The following AMIGO1 variants were observed in gnomAD, a reference collection of about 807,000 sequenced individuals.
The protein encoded by AMIGO1 is adhesion molecule with Ig like domain 1.
For missense variants in AMIGO1, 361 were observed against 612.3 expected (o/e 0.59, Z 4.33); for synonymous variants, 249 against 266.3 (o/e 0.93, Z 0.63).
chr1:109,508,964 C>T lies in AMIGO1; in HGVS notation c.-52G>A, dbSNP rs183503227. ...CCACAAGGAAGATCTGGGAGGAGGTCACCCGGGCATGTTCTGGTGGGGTAC... is the reference window on the plus strand; with the variant it reads ...CCACAAGGAAGATCTGGGAGGAGGTTACCCGGGCATGTTCTGGTGGGGTAC... On this transcript the variant is annotated 5_prime_UTR_variant, in exon 2 of 2. It removes the in-frame stop codon of an upstream open reading frame in the 5' UTR. Coordinates refer to ENST00000369864, the MANE Select transcript of AMIGO1 (RefSeq NM_020703.4). This position sits in a 1 kb window ranked among gnomAD's most constrained non-coding sequence, Gnocchi z 7.8. 1.0e-4 allele frequency: 152 copies of T among 1,469,638 alleles called. No homozygotes were observed. The African/African-American group carries it at 1.9e-3, about 19-fold the overall frequency. The allele number at this position is 1,469,638 out of a possible 1,614,324, so 91.0% of individuals were successfully genotyped here. A position where few individuals can be genotyped will look rare whatever the true frequency, so the allele number is the denominator to read the frequency against.
Position 109,505,097 on chromosome 1 carries a change from C to G in AMIGO1, c.*2334G>C, listed in dbSNP as rs539695443. 1.1e-4 allele frequency: 17 copies of G among 152,342 alleles called. No homozygotes were observed. Among genetic ancestry groups the G allele is most frequent in the Admixed American group, 1.1e-3 (17 of 15,300 alleles). The allele number at this position is 152,342 out of a possible 1,614,324, so 9.4% of individuals were successfully genotyped here. A position where few individuals can be genotyped will look rare whatever the true frequency, so the allele number is the denominator to read the frequency against. On this transcript the variant is annotated 3_prime_UTR_variant, in exon 2 of 2. Coordinates refer to ENST00000369864, the MANE Select transcript of AMIGO1 (RefSeq NM_020703.4). Reference sequence around the variant, plus strand: ...TGAGGACAGTTAACAGGAAGAGCAGCTCACAGCTACTTAGCCCCTTGCCAG... The same window carrying G: ...TGAGGACAGTTAACAGGAAGAGCAGGTCACAGCTACTTAGCCCCTTGCCAG...
At chr1:109,509,087 AC>A in intron 1 of AMIGO1, 88 bp from the exon 2 acceptor site, 1 of 710,708 alleles carries the variant, frequency 1.4e-6, no homozygotes, top group South Asian at 2.0e-5. Flanking sequence ...CCTTACCTCC[AC>A]CCCCTTTGGG....
Position 109,507,275 on chromosome 1 carries a change from T to TTTGGG in AMIGO1, c.*151_*155dup, listed in dbSNP as rs1658047584. The TTTGGG allele has an allele frequency of 9.5e-7, 1 of 1,047,564 alleles. No homozygotes were observed. The highest frequency in any genetic ancestry group is 1.6e-5 in the African/African-American group (1 of 62,058). The allele number at this position is 1,047,564 out of a possible 1,614,324, so 64.9% of individuals were successfully genotyped here. A position where few individuals can be genotyped will look rare whatever the true frequency, so the allele number is the denominator to read the frequency against. Reference sequence around the variant, plus strand: ...TGAAAATCGTGGCAGCCACGCCCTGTTTGGGGTCTTGCTCTCTGTTGTACC... The same window carrying TTTGGG: ...TGAAAATCGTGGCAGCCACGCCCTGTTTGGGTTGGGGTCTTGCTCTCTGTTGTACC... On this transcript the variant is annotated 3_prime_UTR_variant, in exon 2 of 2. Coordinates refer to ENST00000369864, the MANE Select transcript of AMIGO1 (RefSeq NM_020703.4). The surrounding 1 kb of genome is among the most constrained non-coding windows in gnomAD (Gnocchi z 4.7).
At position 109,507,550 on chromosome 1, in the gene AMIGO1, C is replaced by T. The variant is rs781387041; in HGVS notation, c.1363G>A (p.Gly455Ser). Reference protein sequence around the residue: ...EPAGPGQGQNGKLKPGNTLPV... With the variant: ...EPAGPGQGQNSKLKPGNTLPV... Reference sequence around the variant, plus strand: ...AGGGTGTTGCCTGGCTTGAGCTTGCCGTTTTGACCCTGCCCAGGTCCAGCA... The same window carrying T: ...AGGGTGTTGCCTGGCTTGAGCTTGCTGTTTTGACCCTGCCCAGGTCCAGCA... The change falls in exon 2 of 2, where the codon GGC (glycine) becomes AGC (serine). Residue 455 changes from glycine (G) to serine (S), a missense_variant. Gly to Ser is a moderately conservative substitution (Grantham distance 56). Coordinates refer to ENST00000369864, the MANE Select transcript of AMIGO1 (RefSeq NM_020703.4). The surrounding 1 kb of genome is among the most constrained non-coding windows in gnomAD (Gnocchi z 4.7). 6.8e-6 allele frequency: 11 copies of T among 1,614,086 alleles called. No homozygotes were observed. Among genetic ancestry groups the T allele is most frequent in the Middle Eastern group, 1.6e-4 (1 of 6,062 alleles).
Position 109,508,619 on chromosome 1 carries a change from C to T in AMIGO1, c.294G>A (p.Leu98=), listed in dbSNP as rs952356926. Residue 98 remains leucine (L), a synonymous_variant, in exon 2 of 2, where the codon CTG becomes CTA. Coordinates refer to ENST00000369864, the MANE Select transcript of AMIGO1 (RefSeq NM_020703.4). This position sits in a 1 kb window ranked among gnomAD's most constrained non-coding sequence, Gnocchi z 7.8. ...LHSLLLSHNH[L]NFISSEAFSP... is the part of the protein sequence containing the mutation. ...AAAAGGCCTCAGAGGAGATGAAGTT[C>T]AGGTGGTTGTGGCTCAGCAGCAGGG... 6.8e-6 allele frequency: 11 copies of T among 1,614,012 alleles called. No individual in the cohort carries two copies. In the African/African-American group the frequency reaches 1.5e-4, roughly 22 times the overall value.
rs534558607 is a variant in AMIGO1, at chr1:109,509,354, G to A, written c.-88+66C>T. On this transcript the variant is annotated intron_variant, in intron 1 of 1. Coordinates refer to ENST00000369864, the MANE Select transcript of AMIGO1 (RefSeq NM_020703.4). ...GCACCGGGCTGGGTAGGACGCGTCC[G>A]GTCGGGGTTGAGGGTCCCCGGGGCC... 19 of 168,522 alleles carry A rather than the reference G, an allele frequency of 1.1e-4. No homozygotes were observed. In the South Asian group the frequency reaches 2.5e-3, roughly 23 times the overall value. The allele number at this position is 168,522 out of a possible 1,614,324, so 10.4% of individuals were successfully genotyped here.
rs1209547575 is a variant in AMIGO1 at position 109,509,441 on chromosome 1, C to T, written c.-109G>A. 2 of 153,678 alleles carry T rather than the reference C, an allele frequency of 1.3e-5. No homozygotes were observed. Among genetic ancestry groups the T allele is most frequent in the African/African-American group, 2.4e-5 (1 of 41,488 alleles). 9.5% of individuals were successfully genotyped at this position (153,678 alleles called of 1,614,324 possible). On this transcript the variant is annotated 5_prime_UTR_variant, in exon 1 of 2. It removes the in-frame stop codon of an upstream open reading frame in the 5' UTR. Transcript: ENST00000369864. ...GCACCTGCTCGGCGAGGACGTGTCT[C>T]AGCCCATGGCCGGTCTGGGAGCTCC...
In AMIGO1 at chr1:109,507,293, G is replaced by A. The variant is rs577307964; in HGVS notation, c.*138C>T. The A allele has an allele frequency of 1.6e-6, 2 of 1,259,896 alleles. No individual in the cohort carries two copies. Among genetic ancestry groups the A allele is most frequent in the Non-Finnish European group, 2.2e-6 (2 of 915,232 alleles). 78.0% of individuals were successfully genotyped at this position (1,259,896 alleles called of 1,614,324 possible). A position where few individuals can be genotyped will look rare whatever the true frequency, so the allele number is the denominator to read the frequency against. ...CGCCCTGTTTGGGGTCTTGCTCTCT[G>A]TTGTACCTGGGACCAATTCCCTTGA... On this transcript the variant is annotated 3_prime_UTR_variant, in exon 2 of 2. Transcript: ENST00000369864. This position sits in a 1 kb window ranked among gnomAD's most constrained non-coding sequence, Gnocchi z 4.7.
rs1234310196 is a variant in AMIGO1, at chr1:109,504,491, C to T, written c.*2940G>A. The stretch of plus-strand genomic sequence containing the variant: ...GTAGAGCCCTGTCATCCTCTGTCTC[C>T]AGGGACACCTGCTTCCTGGGAGACA... On this transcript the variant is annotated 3_prime_UTR_variant, in exon 2 of 2. Transcript: ENST00000369864. 1 of 152,124 alleles carries T rather than the reference C, an allele frequency of 6.6e-6. No homozygotes were observed. The highest frequency in any genetic ancestry group is 2.4e-5 in the African/African-American group (1 of 41,400). 9.4% of individuals were successfully genotyped at this position (152,124 alleles called of 1,614,324 possible).
rs146766120 is a variant in AMIGO1, at chr1:109,508,840, C to T, written c.73G>A (p.Ala25Thr). 5,180 of 1,612,346 alleles carry T rather than the reference C, an allele frequency of 3.2e-3. 106 individuals carry two copies. The South Asian group carries it at 0.039, about 12-fold the overall frequency. The change falls in exon 2 of 2, where the codon GCC (alanine) becomes ACC (threonine). Residue 25 changes from alanine (A) to threonine (T), a missense_variant. Physicochemically the swap from Ala to Thr is moderately conservative, Grantham distance 58. Transcript: ENST00000369864. This position sits in a 1 kb window ranked among gnomAD's most constrained non-coding sequence, Gnocchi z 7.8. ...PSLSLLLFEV[A>T]RAGRAVVSCP... is the part of the protein sequence containing the mutation. ...CTAACCACGGCTCGGCCAGCTCTGG[C>T]CACCTCAAAAAGCAGCAGGGACAAG...
At position 109,509,510 on chromosome 1, in the gene AMIGO1, T is replaced by A. The variant is rs1373304299; in HGVS notation, c.-178A>T. 1 of 152,152 alleles carries A rather than the reference T, an allele frequency of 6.6e-6. No individual in the cohort carries two copies. Among genetic ancestry groups the A allele is most frequent in the African/African-American group, 2.4e-5 (1 of 41,420 alleles). The allele number at this position is 152,152 out of a possible 1,614,324, so 9.4% of individuals were successfully genotyped here. ...GGCGCCTCACCGGCCGGCCTGTCAC[T>A]GCGCCCACCTTACGCAGGGGCCCGC... On this transcript the variant is annotated 5_prime_UTR_variant, in exon 1 of 2. Transcript: ENST00000369864.
At position 109,508,457 on chromosome 1, in the gene AMIGO1, G is replaced by GTGC; in HGVS notation, c.455_456insGCA (p.Cys152delinsTrpHis). 6.2e-7 allele frequency: 1 copy of GTGC among 1,614,130 alleles called. No individual in the cohort carries two copies. On this transcript the variant is annotated protein_altering_variant, in exon 2 of 2. Transcript: ENST00000369864. This position sits in a 1 kb window ranked among gnomAD's most constrained non-coding sequence, Gnocchi z 7.8. ...GCAGCTGGGCCATGTCATCGAAGGC[G>GTGC]CACCGGTCCACCGCCATGATGTGGT...
chr1:109,507,568 G>C lies in AMIGO1; in HGVS notation c.1345C>G (p.Pro449Ala). The change falls in exon 2 of 2, where the codon CCT becomes GCT. Residue 449 changes from proline (P) to alanine (A), a missense_variant. Coordinates refer to ENST00000369864, the MANE Select transcript of AMIGO1 (RefSeq NM_020703.4). The surrounding 1 kb of genome is among the most constrained non-coding windows in gnomAD (Gnocchi z 4.7). ...RRVAFLEPAG[P>A]GQGQNGKLKP... The stretch of plus-strand genomic sequence containing the variant: ...AGCTTGCCGTTTTGACCCTGCCCAG[G>C]TCCAGCAGGTTCCAGGAAAGCCACC... 1 of 1,614,008 alleles carries C rather than the reference G, an allele frequency of 6.2e-7. No individual in the cohort carries two copies. Among genetic ancestry groups the C allele is most frequent in the Non-Finnish European group, 8.5e-7 (1 of 1,180,018 alleles).
rs923687606 is a variant in AMIGO1 at position 109,508,679 on chromosome 1, G to A, written c.234C>T (p.Ala78=). Reference sequence around the variant, plus strand: ...GGGTCAGGCGCGTGGGGGTCCACTCGGCCCGCAGGCGGCTCAGGTTGTTGT... The same window carrying A: ...GGGTCAGGCGCGTGGGGGTCCACTCAGCCCGCAGGCGGCTCAGGTTGTTGT... The part of the protein sequence containing the change: ...LSHNNLSRLR[A]EWTPTRLTQL... The change falls in exon 2 of 2, where the codon GCC becomes GCT. Residue 78 remains alanine (A), a synonymous_variant. Coordinates refer to ENST00000369864, the MANE Select transcript of AMIGO1 (RefSeq NM_020703.4). The surrounding 1 kb of genome is among the most constrained non-coding windows in gnomAD (Gnocchi z 7.8). 8 of 1,614,040 alleles carry A rather than the reference G, an allele frequency of 5.0e-6. No homozygotes were observed. Among genetic ancestry groups the A allele is most frequent in the East Asian group, 2.2e-5 (1 of 44,882 alleles).
Position 109,507,755 on chromosome 1 carries a change from C to T in AMIGO1, c.1158G>A (p.Leu386=), listed in dbSNP as rs746927511. The T allele has an allele frequency of 6.2e-6, 10 of 1,614,058 alleles. 1 individual carries two copies. The South Asian group carries it at 7.7e-5, about 12-fold the overall frequency. ...TLVGCILSVV[L]VLIYLYLTPC... ...GGGTGAGGTATAGGTATATGAGGAC[C>T]AGGACCACACTAAGGATACAGCCCA... The change falls in exon 2 of 2, where the codon CTG becomes CTA. Residue 386 remains leucine, a synonymous_variant. Transcript: ENST00000369864. This position sits in a 1 kb window ranked among gnomAD's most constrained non-coding sequence, Gnocchi z 4.7.
chr1:109,505,463 T>C lies in AMIGO1; in HGVS notation c.*1968A>G, dbSNP rs1382831282. The C allele has an allele frequency of 6.6e-6, 1 of 152,222 alleles. No individual in the cohort carries two copies. Among genetic ancestry groups the C allele is most frequent in the Non-Finnish European group, 1.5e-5 (1 of 68,036 alleles). The allele number at this position is 152,222 out of a possible 1,614,324, so 9.4% of individuals were successfully genotyped here. Reference sequence around the variant, plus strand: ...GGTGGAGACCATTCTGAGAGTATCATTAATGGGGACTACAGATTCACTGTC... The same window carrying C: ...GGTGGAGACCATTCTGAGAGTATCACTAATGGGGACTACAGATTCACTGTC... On this transcript the variant is annotated 3_prime_UTR_variant, in exon 2 of 2. Coordinates refer to ENST00000369864, the MANE Select transcript of AMIGO1 (RefSeq NM_020703.4).
At position 109,507,322 on chromosome 1, in the gene AMIGO1, C is replaced by A; in HGVS notation, c.*109G>T. ...TACCTGGGACCAATTCCCTTGAGGT[C>A]AGGAGGAATCCATTCCCTTGGGCAG... On this transcript the variant is annotated 3_prime_UTR_variant, in exon 2 of 2. Coordinates refer to ENST00000369864, the MANE Select transcript of AMIGO1 (RefSeq NM_020703.4). The surrounding 1 kb of genome is among the most constrained non-coding windows in gnomAD (Gnocchi z 4.7). 2 of 1,445,834 alleles carry A rather than the reference C, an allele frequency of 1.4e-6. No homozygotes were observed. The highest frequency in any genetic ancestry group is 1.4e-5 in the African/African-American group (1 of 70,230). The allele number at this position is 1,445,834 out of a possible 1,614,324, so 89.6% of individuals were successfully genotyped here. A position where few individuals can be genotyped will look rare whatever the true frequency, so the allele number is the denominator to read the frequency against.
Position 109,508,124 on chromosome 1 carries a change from G to A in AMIGO1, c.789C>T (p.Phe263=), listed in dbSNP as rs1472438524. ...CMNSKKLHNV[F]NLSFLNCGEY... is the part of the protein sequence containing the mutation. ...CGCCACAGTTGAGGAAACTCAGGTT[G>A]AAGACATTGTGCAGCTTCTTGGAGT... Residue 263 remains phenylalanine, a synonymous_variant, in exon 2 of 2, where the codon TTC becomes TTT. Transcript: ENST00000369864. The surrounding 1 kb of genome is among the most constrained non-coding windows in gnomAD (Gnocchi z 7.8). The A allele has an allele frequency of 6.2e-7, 1 of 1,614,188 alleles. No homozygotes were observed. The highest frequency in any genetic ancestry group is 1.7e-5 in the Admixed American group (1 of 60,024).
rs1383234387 is a variant in AMIGO1, at chr1:109,508,939, C to T, written c.-27G>A. On this transcript the variant is annotated 5_prime_UTR_variant, in exon 2 of 2. Coordinates refer to ENST00000369864, the MANE Select transcript of AMIGO1 (RefSeq NM_020703.4). The surrounding 1 kb of genome is among the most constrained non-coding windows in gnomAD (Gnocchi z 7.8). ...GTGTCACTGGAGTGGGCGAGGAAGG[C>T]CACAAGGAAGATCTGGGAGGAGGTC... The T allele has an allele frequency of 6.7e-7, 1 of 1,497,360 alleles. No homozygotes were observed. Among genetic ancestry groups the T allele is most frequent in the Non-Finnish European group, 8.9e-7 (1 of 1,122,674 alleles). 92.8% of individuals were successfully genotyped at this position (1,497,360 alleles called of 1,614,324 possible). A position where few individuals can be genotyped will look rare whatever the true frequency, so the allele number is the denominator to read the frequency against.
Sources: gnomAD v4.1 joint callset for allele counts on GRCh38, gnomAD v4.1.1 for gene constraint, Gnocchi (gnomAD v3.1) non-coding constraint, MANE v1.5 for transcripts, NCBI Gene and HGNC (gene_info 2026-07-23, HGNC 2026-07-21) for gene names.